DPP6: variants seen among roughly 807,000 people sequenced by gnomAD.
DPP6 encodes the protein A-type potassium channel modulatory protein DPP6.
Under a neutral mutation model 122.6 loss-of-function variants are expected in DPP6, and 69 were observed. The observed-to-expected ratio is 0.56, with a 90% CI of 0.46 to 0.69. The LOEUF is 0.69. Among genes scored for constraint, DPP6 ranks in the 30% least tolerant of loss-of-function variants. The probability of loss-of-function intolerance (pLI) is 0.00; values close to 1 mark genes in which losing one functional copy is unlikely to be tolerated. For missense variants in DPP6, 928 were observed against 1,116.9 expected, an observed-to-expected ratio of 0.83 and a Z score of 2.41; for synonymous variants, 418 against 433.1, an observed-to-expected ratio of 0.97 and a Z score of 0.43.
At chr7:154,057,785 C>T (rs943751955) in intron 1 of DPP6, 4 of 150,520 alleles carry the variant, frequency 2.7e-5, no homozygotes, top group African/African-American at 7.5e-5. Context: ...TGGGGCTACC[C>T]GATCTGACAA....
At chr7:153,987,689 C>T (rs939090778) in intron 1 of DPP6, among the ~76,000 whole-genome samples, 5 of 152,016 alleles carry the variant, frequency 3.3e-5, no homozygotes, top group Non-Finnish European at 1.5e-5. Flanking sequence ...CATCGGAGGA[C>T]CCAGCAGAGA....
rs374629893 is a variant in DPP6 at position 154,880,890 on chromosome 7, C to T, written c.2081C>T (p.Thr694Met). The T allele has an allele frequency of 1.8e-5, 29 of 1,613,846 alleles. No individual in the cohort carries two copies. The highest frequency in any genetic ancestry group is 1.4e-4 in the South Asian group (13 of 91,082). Reference protein sequence around the residue: ...EEKDQMEAVRTMLKEQYIDRT... With the variant: ...EEKDQMEAVRMMLKEQYIDRT... ...CTTTCCCCTCCTCGACCTCACAGGA[C>T]GATGCTGAAGGAGCAGTACATTGAC... Residue 694 changes from threonine to methionine, a missense_variant and splice_region_variant, in exon 21 of 26, where the codon ACG (threonine) becomes ATG (methionine). Physicochemically the swap from Thr to Met is moderately conservative, Grantham distance 81. Coordinates refer to ENST00000377770, the MANE Select transcript of DPP6 (RefSeq NM_130797.4).
At chr7:153,896,596 G>T (rs959204046) in intron 1 of DPP6, among the ~76,000 whole-genome samples, 4 of 152,092 alleles carry the variant, frequency 2.6e-5, no homozygotes, top group Admixed American at 2.0e-4. Context: ...CTTGAGGCCA[G>T]GAATTTGATA....
Position 154,836,399 on chromosome 7 carries a change from G to A in DPP6, c.1667-17381G>A, listed in dbSNP as rs1326397937. ...TCCAGATAAAAATAGTGTGCAGTTT[G>A]GAGGCTGGTGTTTTTGAGATCGAAC... On this transcript the variant is annotated intron_variant, in intron 16 of 25. Coordinates refer to ENST00000377770, the MANE Select transcript of DPP6 (RefSeq NM_130797.4). Among the ~76,000 whole-genome samples, 4 of 152,344 alleles carry A rather than the reference G, an allele frequency of 2.6e-5. No homozygotes were observed. The East Asian group carries it at 7.7e-4, about 29-fold the overall frequency.
intron 1 of DPP6, among the ~76,000 whole-genome samples, chr7:154,294,991 C>A (rs1447447920): frequency 4.6e-5 from 7 of 152,362 alleles, no homozygotes; most frequent in Non-Finnish European, 1.0e-4. Flanking sequence ...CGAGGAGGAG[C>A]ATGGTGGTGC....
At chr7:153,797,121 T>C in the DPP6 span, among the ~76,000 whole-genome samples, 50,213 of 149,756 alleles carry the variant, frequency 0.34, 8,221 homozygotes, top group South Asian at 0.45. Flanking sequence ...AAGTGGATCA[T>C]TCCCATTTAG....
At chr7:153,862,718 A>AT in the DPP6 span, among the ~76,000 whole-genome samples, 3 of 151,964 alleles carry the variant, frequency 2.0e-5, no homozygotes, top group Admixed American at 6.6e-5. Flanking sequence ...CCTTCACAGT[A>AT]TTTTTTTTAG....
rs903898723 is a variant in DPP6 at position 154,403,917 on chromosome 7, C to G, written c.244-42297C>G. Among the ~76,000 whole-genome samples the G allele has an allele frequency of 6.6e-6, 1 of 152,154 alleles. No individual in the cohort carries two copies. The highest frequency in any genetic ancestry group is 1.5e-5 in the Non-Finnish European group (1 of 68,040). On this transcript the variant is annotated intron_variant, in intron 1 of 25. Coordinates refer to ENST00000377770, the MANE Select transcript of DPP6 (RefSeq NM_130797.4). The surrounding 1 kb of genome is among the most constrained non-coding windows in gnomAD (Gnocchi z 4.1). The stretch of plus-strand genomic sequence containing the variant: ...TTTGGAGCTGAAGTGCTCGGAAGGC[C>G]ACTGATTTTAAGCTCATTAAACTCA...
intron 1 of DPP6, among the ~76,000 whole-genome samples, chr7:153,966,282 C>T (rs143057264): frequency 6.6e-5 from 10 of 151,436 alleles, no homozygotes; most frequent in South Asian, 6.3e-4. Flanking sequence ...TGTTTGTGCA[C>T]GTGTTCATGT....
At chr7:154,675,819 G>A (rs1838863144) in intron 7 of DPP6, among the ~76,000 whole-genome samples, 1 of 152,172 alleles carries the variant, frequency 6.6e-6, no homozygotes, top group African/African-American at 2.4e-5. Context: ...CACTGCCCAA[G>A]CTTTCCTCTC....
At position 154,660,407 on chromosome 7, in the gene DPP6, T is replaced by G. The variant is rs1313433036; in HGVS notation, c.681-8953T>G. On this transcript the variant is annotated intron_variant, in intron 6 of 25. Transcript: ENST00000377770. Reference sequence around the variant, plus strand: ...AATCACCATGGCGTATTGGCCGTAGTGTTCATATAGTCATGGTGAATCACC... The same window carrying G: ...AATCACCATGGCGTATTGGCCGTAGGGTTCATATAGTCATGGTGAATCACC... Among the ~76,000 whole-genome samples the G allele has an allele frequency of 4.0e-5, 6 of 150,046 alleles. No homozygotes were observed. In the East Asian group the frequency reaches 9.8e-4, roughly 24 times the overall value.
chr7:154,398,572 TA>T (rs751990263), intron 1 of DPP6, among the ~76,000 whole-genome samples: 5 of 152,154 alleles, frequency 3.3e-5, no homozygotes, highest in Non-Finnish European at 5.9e-5. Flanking sequence ...TTTATGGTCA[TA>T]TTTTTTTCTC....
chr7:153,891,205 G>A (rs1038253156), intron 1 of DPP6, among the ~76,000 whole-genome samples: 4 of 150,386 alleles, frequency 2.7e-5, no homozygotes, highest in African/African-American at 2.4e-5. Flanking sequence ...TGTATTTTTC[G>A]TAGAGACGGG....
At chr7:154,111,659 T>G (rs1585400203) in intron 1 of DPP6, among the ~76,000 whole-genome samples, 1 of 101,500 alleles carries the variant, frequency 9.9e-6, no homozygotes, top group Non-Finnish European at 2.1e-5. Flanking sequence ...GTGTGTGTGT[T>G]GCTTTGTTTG....
intron 5 of DPP6, chr7:154,587,798 A>C (rs1832556891): frequency 6.2e-7 from 1 of 1,612,458 alleles, no homozygotes. Context: ...TGCCTGCGTG[A>C]CTATGTCTCG....
At chr7:154,376,088 G>A (rs2151131570) in intron 1 of DPP6, among the ~76,000 whole-genome samples, 1 of 152,322 alleles carries the variant, frequency 6.6e-6, no homozygotes, top group East Asian at 1.9e-4. Flanking sequence ...CACTTAGCCA[G>A]ACAGCACACG....
intron 7 of DPP6, among the ~76,000 whole-genome samples, chr7:154,692,953 G>A (rs551228596): frequency 4.6e-5 from 7 of 151,964 alleles, no homozygotes; most frequent in African/African-American, 7.2e-5. Context: ...CACTACACCC[G>A]GCTAATTTTT....
chr7:154,176,422 A>C (rs1348813158), intron 1 of DPP6, among the ~76,000 whole-genome samples: 1 of 152,242 alleles, frequency 6.6e-6, no homozygotes, highest in East Asian at 1.9e-4. Context: ...TCATGAAATC[A>C]GTGTAGCCAG....
intron 2 of DPP6, among the ~76,000 whole-genome samples, chr7:154,472,463 TC>T (rs1446915129): frequency 2.6e-5 from 4 of 151,966 alleles, no homozygotes; most frequent in Non-Finnish European, 5.9e-5. Context: ...CTGGAATCAA[TC>T]CCTCCCACTT....
Sources: allele counts gnomAD v4.1 joint callset (sites outside exome capture counted in the v4.1 genomes callset), GRCh38; gene constraint gnomAD v4.1.1; non-coding constraint Gnocchi (gnomAD v3.1); transcripts MANE v1.5; gene names NCBI Gene and HGNC (gene_info 2026-07-23, HGNC 2026-07-21).